TECRL: variants seen among roughly 807,000 people sequenced by gnomAD.
TECRL encodes the protein trans-2,3-enoyl-CoA reductase like.
Under a neutral mutation model 52.8 loss-of-function variants are expected in TECRL, and 63 were observed. That is an observed-to-expected ratio of 1.19 (90% CI 0.97 to 1.47). The LOEUF (loss-of-function observed/expected upper bound fraction) is 1.47, where lower values mean the gene tolerates loss of function less well. Ranked by LOEUF, TECRL falls within the 40% of genes most tolerant of loss-of-function variation. The probability of loss-of-function intolerance (pLI) is 0.00; values close to 1 mark genes in which losing one functional copy is unlikely to be tolerated. For synonymous variants in TECRL, 164 were observed against 141.9 expected (o/e 1.16, Z -1.10); for missense variants, 482 against 429.6 (o/e 1.12, Z -1.08).
chr4:64,289,881 G>T (rs1016165391), intron 8 of TECRL, 114 bp from the exon 9 acceptor site: 6 of 592,842 alleles, frequency 1.0e-5, no homozygotes, highest in South Asian at 5.8e-5. Context: ...AGATTCAAAA[G>T]ATATATATTT....
At chr4:64,356,598 T>G (rs994980412) in intron 2 of TECRL, among the ~76,000 whole-genome samples, 1 of 152,120 alleles carries the variant, frequency 6.6e-6, no homozygotes, top group Non-Finnish European at 1.5e-5. Flanking sequence ...GTGACACAGA[T>G]TCCTTTGCTC....
intron 4 of TECRL, among the ~76,000 whole-genome samples, chr4:64,320,187 T>C (rs1052553801): frequency 3.9e-5 from 6 of 151,994 alleles, no homozygotes; most frequent in Non-Finnish European, 7.4e-5. Flanking sequence ...TTATCCTAAG[T>C]TTTTTAGTAA....
intron 2 of TECRL, among the ~76,000 whole-genome samples, chr4:64,350,925 A>G (rs1011620385): frequency 3.3e-5 from 5 of 150,310 alleles, no homozygotes; most frequent in Non-Finnish European, 4.4e-5. Context: ...ATCAGTTTCA[A>G]TAGTTAACCT....
intron 9 of TECRL, 147 bp from the exon 10 acceptor site, chr4:64,281,706 T>A: frequency 1.9e-6 from 1 of 524,762 alleles, no homozygotes; most frequent in Non-Finnish European, 3.4e-6. Flanking sequence ...TGCAAATTAC[T>A]CAGAAGAGAC....
intron 3 of TECRL, among the ~76,000 whole-genome samples, chr4:64,327,309 A>T (rs1472611352): frequency 6.6e-6 from 1 of 152,098 alleles, no homozygotes; most frequent in Non-Finnish European, 1.5e-5. Flanking sequence ...TAAATTTGGG[A>T]GAAAAGGAAT....
At chr4:64,319,618 T>C (rs1202307810) in intron 4 of TECRL, among the ~76,000 whole-genome samples, 1 of 151,864 alleles carries the variant, frequency 6.6e-6, no homozygotes, top group African/African-American at 2.4e-5. Flanking sequence ...CCCAGATAAA[T>C]TTTTTAAAAA....
At chr4:64,292,411 G>A (rs1723442124) in intron 8 of TECRL, among the ~76,000 whole-genome samples, 1 of 151,878 alleles carries the variant, frequency 6.6e-6, no homozygotes, top group South Asian at 2.1e-4. Context: ...TCCCTTATGT[G>A]ACACAGATGT....
At chr4:64,407,026 T>C (rs1330874710) in intron 1 of TECRL, among the ~76,000 whole-genome samples, 1 of 151,458 alleles carries the variant, frequency 6.6e-6, no homozygotes, top group African/African-American at 2.4e-5. Flanking sequence ...AAAAAAAAAA[T>C]TAATCTAGAA....
intron 2 of TECRL, among the ~76,000 whole-genome samples, chr4:64,335,102 C>A (rs916375448): frequency 1.3e-5 from 2 of 152,176 alleles, no homozygotes; most frequent in Non-Finnish European, 2.9e-5. Context: ...GCAGGGGTCT[C>A]CAACCCCTGG....
chr4:64,375,673 A>C (rs970742768), intron 1 of TECRL, among the ~76,000 whole-genome samples: 2 of 151,908 alleles, frequency 1.3e-5, no homozygotes, highest in Non-Finnish European at 2.9e-5. Flanking sequence ...GACAAAAGTC[A>C]CCTTAAGTCC....
At chr4:64,318,297 T>C (rs929357710) in intron 4 of TECRL, among the ~76,000 whole-genome samples, 3 of 152,216 alleles carry the variant, frequency 2.0e-5, no homozygotes, top group Admixed American at 6.5e-5. Context: ...CTATCTCTTA[T>C]GTGTTAAATG....
At chr4:64,389,693 G>A (rs1038853269) in intron 1 of TECRL, among the ~76,000 whole-genome samples, 4 of 151,784 alleles carry the variant, frequency 2.6e-5, no homozygotes, top group Non-Finnish European at 5.9e-5. Context: ...CCTTAAATAT[G>A]TAGTAGAATT....
intron 2 of TECRL, among the ~76,000 whole-genome samples, chr4:64,370,445 G>T (rs1258646539): frequency 6.6e-6 from 1 of 151,808 alleles, no homozygotes; most frequent in African/African-American, 2.4e-5. Context: ...TTTGAGAAAA[G>T]AAGGAAAAGC....
intron 7 of TECRL, among the ~76,000 whole-genome samples, chr4:64,304,239 A>G (rs556978668): frequency 1.2e-4 from 19 of 152,034 alleles, no homozygotes; most frequent in African/African-American, 4.1e-4. Flanking sequence ...TATTTGAAAA[A>G]TCAGAAGATA....
At chr4:64,313,537 A>G (rs1717226494) in intron 5 of TECRL, among the ~76,000 whole-genome samples, 1 of 125,476 alleles carries the variant, frequency 8.0e-6, no homozygotes, top group Non-Finnish European at 1.6e-5. Flanking sequence ...GCCGGAGTGC[A>G]GTGGTGCGAT....
intron 7 of TECRL, among the ~76,000 whole-genome samples, chr4:64,304,052 T>A (rs1473942524): frequency 6.6e-6 from 1 of 151,376 alleles, no homozygotes; most frequent in African/African-American, 2.4e-5. Context: ...TTACAGTTAT[T>A]AACAAATAGT....
chr4:64,342,005 T>C (rs1719610290), intron 2 of TECRL, among the ~76,000 whole-genome samples: 1 of 152,098 alleles, frequency 6.6e-6, no homozygotes, highest in African/African-American at 2.4e-5. Flanking sequence ...GCCAGTAGCA[T>C]GAGCTCAGTG....
chr4:64,376,071 T>C (rs1303688176), intron 1 of TECRL, among the ~76,000 whole-genome samples: 1 of 151,884 alleles, frequency 6.6e-6, no homozygotes, highest in African/African-American at 2.4e-5. Context: ...TATAACTGTT[T>C]TGAAAGGGTT....
rs769680996 is a variant in TECRL at position 64,328,599 on chromosome 4, A to C, written c.287-43T>G. The C allele has an allele frequency of 4.5e-6, 7 of 1,544,746 alleles. No individual in the cohort carries two copies. The Admixed American group carries it at 5.2e-5, about 12-fold the overall frequency. On this transcript the variant is annotated intron_variant, in intron 2 of 11. Coordinates refer to ENST00000381210, the MANE Select transcript of TECRL (RefSeq NM_001010874.5). ...ACATTTAATTGTCAGAAAAAGTGTA[A>C]CTATAGCTTATAAAACTAACTGTTT...
Sources: allele counts gnomAD v4.1 joint callset (sites outside exome capture counted in the v4.1 genomes callset), GRCh38; gene constraint gnomAD v4.1.1; transcripts MANE v1.5; gene names NCBI Gene and HGNC (gene_info 2026-07-23, HGNC 2026-07-21).